VIT: variants seen among roughly 807,000 people sequenced by gnomAD.
VIT encodes the protein vitrin.
In VIT, 99 loss-of-function variants were observed where a neutral mutation model predicts 78.0. The observed-to-expected ratio is 1.27, with a 90% CI of 1.08 to 1.50. The LOEUF is 1.50. VIT is among the 40% of genes most tolerant of loss of function. The pLI is 0.00. For synonymous variants in VIT, 374 were observed against 334.3 expected, an observed-to-expected ratio of 1.12 and a Z score of -1.29; for missense variants, 1,126 against 875.3, an observed-to-expected ratio of 1.29 and a Z score of -3.61.
rs774318787 is a variant in VIT at position 36,814,409 on chromosome 2, T to A, written c.*48T>A. ...GCAAGTGCTGCTTTACTAACTGACG[T>A]GTTGGACCACCCCACCGCTTAATGG... is the stretch of plus-strand genomic sequence containing the variant. On this transcript the variant is annotated 3_prime_UTR_variant, in exon 16 of 16. Coordinates refer to ENST00000379242, the MANE Select transcript of VIT (RefSeq NM_053276.4). The A allele has an allele frequency of 4.4e-6, 7 of 1,604,576 alleles. No homozygotes were observed. The Admixed American group carries it at 1.2e-4, about 27-fold the overall frequency.
intron 15 of VIT, 114 bp from the exon 16 acceptor site, chr2:36,814,069 G>C (rs1667385072): frequency 7.8e-7 from 1 of 1,288,626 alleles, no homozygotes; most frequent in Non-Finnish European, 1.1e-6. Context: ...TGTTTTGTTT[G>C]GGCATATTTC....
intron 3 of VIT, among the ~76,000 whole-genome samples, chr2:36,736,594 G>A (rs542083941): frequency 2.6e-5 from 4 of 152,296 alleles, no homozygotes; most frequent in African/African-American, 7.2e-5. Flanking sequence ...ATGCAGATGG[G>A]AGCCATTGAT....
rs1253915458 is a variant in VIT at position 36,795,115 on chromosome 2, G to C, written c.1059-6186G>C. Among the ~76,000 whole-genome samples the C allele has an allele frequency of 3.9e-5, 6 of 152,152 alleles. No homozygotes were observed. The East Asian group carries it at 1.2e-3, about 29-fold the overall frequency. On this transcript the variant is annotated intron_variant, in intron 12 of 15. Coordinates refer to ENST00000379242, the MANE Select transcript of VIT (RefSeq NM_053276.4). ...CTAAGTACTAGGGATTGGAAGCTAG[G>C]AGAAAGTGCCTGTTCTCAAGTAGGT... is the stretch of plus-strand genomic sequence containing the variant.
chr2:36,763,170 C>T (rs1018443843), intron 6 of VIT, among the ~76,000 whole-genome samples: 2 of 152,186 alleles, frequency 1.3e-5, no homozygotes, highest in Admixed American at 6.5e-5. Flanking sequence ...GAGAATTCCA[C>T]GGCCCACCCT....
chr2:36,807,346 G>A (rs973779442), intron 14 of VIT, among the ~76,000 whole-genome samples: 3 of 151,962 alleles, frequency 2.0e-5, no homozygotes, highest in Non-Finnish European at 4.4e-5. Context: ...ACAGCCCTGT[G>A]TTCAGTCCAG....
chr2:36,753,247 C>A (rs1469860974), intron 4 of VIT, among the ~76,000 whole-genome samples: 4 of 152,018 alleles, frequency 2.6e-5, no homozygotes. Context: ...GGAAGAATAA[C>A]TAATGGATGC....
At chr2:36,732,334 C>T (rs965088817) in intron 3 of VIT, among the ~76,000 whole-genome samples, 5 of 152,176 alleles carry the variant, frequency 3.3e-5, no homozygotes, top group Non-Finnish European at 7.3e-5. Flanking sequence ...CTCAAAATCT[C>T]CCTAGTGATG....
In VIT at chr2:36,760,024, T is replaced by C. The variant is rs372647808; in HGVS notation, c.487+978T>C. ...TTTTTTTCTTTTTTTGAGACGGAGT[T>C]TCACTCTGTTGCCAGGCTGGAGTGC... On this transcript the variant is annotated intron_variant, in intron 6 of 15. Transcript: ENST00000379242. Among the ~76,000 whole-genome samples, 4 of 151,884 alleles carry C rather than the reference T, an allele frequency of 2.6e-5. 1 individual carries two copies. Among genetic ancestry groups the C allele is most frequent in the African/African-American group, 9.7e-5 (4 of 41,414 alleles).
intron 12 of VIT, among the ~76,000 whole-genome samples, chr2:36,798,891 C>T (rs1403892055): frequency 6.6e-6 from 1 of 152,178 alleles, no homozygotes; most frequent in Non-Finnish European, 1.5e-5. Context: ...TGACTTTAGC[C>T]TCAGATCAAG....
chr2:36,700,309 C>T (rs1287643384), intron 1 of VIT, among the ~76,000 whole-genome samples: 1 of 152,068 alleles, frequency 6.6e-6, no homozygotes, highest in African/African-American at 2.4e-5. Flanking sequence ...AATGTATCTC[C>T]CTGTGGTTTG....
chr2:36,808,160 C>G (rs918973522), intron 14 of VIT, among the ~76,000 whole-genome samples: 2 of 152,192 alleles, frequency 1.3e-5, no homozygotes, highest in African/African-American at 2.4e-5. Context: ...AAAGGAGGAG[C>G]CCGGAGAAGC....
At chr2:36,714,065 C>G (rs1665976090) in intron 1 of VIT, among the ~76,000 whole-genome samples, 1 of 152,194 alleles carries the variant, frequency 6.6e-6, no homozygotes, top group East Asian at 1.9e-4. Flanking sequence ...CAGTGGCCAG[C>G]TACCTTAATT....
chr2:36,783,018 CAG>C (rs1664862324), intron 10 of VIT, among the ~76,000 whole-genome samples: 1 of 152,186 alleles, frequency 6.6e-6, no homozygotes, highest in Non-Finnish European at 1.5e-5. Flanking sequence ...CAGAATTTTA[CAG>C]AGACATAATT....
chr2:36,813,904 C>T (rs1404317029), intron 15 of VIT, among the ~76,000 whole-genome samples: 3 of 152,126 alleles, frequency 2.0e-5, no homozygotes, highest in African/African-American at 4.8e-5. Flanking sequence ...TCATTGTTTC[C>T]TAAAATACTA....
intron 3 of VIT, among the ~76,000 whole-genome samples, chr2:36,732,904 G>A (rs781582179): frequency 6.6e-6 from 1 of 152,350 alleles, no homozygotes; most frequent in South Asian, 2.1e-4. Flanking sequence ...GAGGAGAAAA[G>A]AGTGTAATAA....
chr2:36,721,644 G>A (rs981795478), intron 2 of VIT, among the ~76,000 whole-genome samples: 1 of 152,074 alleles, frequency 6.6e-6, no homozygotes, highest in African/African-American at 2.4e-5. Flanking sequence ...TCCTGATATG[G>A]CTCTTGCTCT....
intron 12 of VIT, among the ~76,000 whole-genome samples, chr2:36,790,094 G>A (rs1380947798): frequency 6.6e-6 from 1 of 152,028 alleles, no homozygotes; most frequent in African/African-American, 2.4e-5. Flanking sequence ...TATTAACTGG[G>A]AAAAAGGCAA....
At chr2:36,731,251 G>C (rs1667187687) in intron 3 of VIT, among the ~76,000 whole-genome samples, 1 of 151,998 alleles carries the variant, frequency 6.6e-6, no homozygotes, top group Non-Finnish European at 1.5e-5. Flanking sequence ...GTAAGGCAGA[G>C]TGGGAAATGT....
At chr2:36,810,856 A>G (rs1259868253) in intron 15 of VIT, among the ~76,000 whole-genome samples, 1 of 150,350 alleles carries the variant, frequency 6.7e-6, no homozygotes, top group African/African-American at 2.5e-5. Context: ...CTTTTCTTGA[A>G]CTCCTGACCT....
Sources: allele counts gnomAD v4.1 joint callset (sites outside exome capture counted in the v4.1 genomes callset), GRCh38; gene constraint gnomAD v4.1.1; transcripts MANE v1.5; gene names NCBI Gene and HGNC (gene_info 2026-07-23, HGNC 2026-07-21).